The following CCDC158 variants were observed in gnomAD, a reference collection of about 807,000 sequenced individuals.
The protein encoded by CCDC158 is coiled-coil domain-containing protein 158.
Under a neutral mutation model 138.6 loss-of-function variants are expected in CCDC158, and 116 were observed. The ratio of observed to expected loss-of-function variants is 0.84; its 90% confidence interval spans 0.72 to 0.98. The LOEUF is 0.98. CCDC158 is among the 50% of genes least tolerant of loss of function. The pLI is 0.00. For synonymous variants in CCDC158, 436 were observed against 442.4 expected, an observed-to-expected ratio of 0.99 and a Z score of 0.18; for missense variants, 1,265 against 1,306.1, an observed-to-expected ratio of 0.97 and a Z score of 0.48.
At chr4:76,362,369 T>C (rs527341320) in intron 12 of CCDC158, 54 bp from the exon 13 acceptor site, 1 of 1,312,194 alleles carries the variant, frequency 7.6e-7, no homozygotes, top group South Asian at 1.3e-5. Flanking sequence ...TGTACATGTA[T>C]AGTTATAATT....
chr4:76,421,329 T>C (rs113225842), upstream of CCDC158, among the ~76,000 whole-genome samples: 4,626 of 151,958 alleles, frequency 0.03, 230 homozygotes, highest in African/African-American at 0.11. Context: ...ACGCCGTCGC[T>C]GGGGCATCCG....
rs756176859 is a variant in CCDC158 at position 76,334,074 on chromosome 4, C to T, written c.2758G>A (p.Ala920Thr). The T allele has an allele frequency of 1.5e-5, 25 of 1,613,820 alleles. No homozygotes were observed. The East Asian group carries it at 4.2e-4, about 27-fold the overall frequency. The change falls in exon 19 of 25, where the codon GCT becomes ACT. Residue 920 changes from alanine to threonine, a missense_variant. Coordinates refer to ENST00000682701, the MANE Select transcript of CCDC158 (RefSeq NM_001394954.1). ...TCCTCTGTCTTGCTCAGAGACACAG[C>T]TGGCTCCTCATTGATCACGCTTCTC... ...ELRSVINEEP[A>T]VSLSKTEEDG...
intron 24 of CCDC158, among the ~76,000 whole-genome samples, chr4:76,318,170 T>C (rs1184156258): frequency 6.6e-6 from 1 of 151,898 alleles, no homozygotes; most frequent in East Asian, 1.9e-4. Context: ...AGAACAGAAT[T>C]AAATGAAATT....
chr4:76,355,492 G>A (rs1385661039), intron 14 of CCDC158, 56 bp from the exon 15 acceptor site: 2 of 1,137,140 alleles, frequency 1.8e-6, no homozygotes, highest in African/African-American at 1.5e-5. Context: ...GAGAGACTAT[G>A]GTAATTTGAT....
chr4:76,421,612 G>A (rs1300794795), upstream of CCDC158: 1 of 152,068 alleles, frequency 6.6e-6, no homozygotes, highest in Non-Finnish European at 1.5e-5. Flanking sequence ...CTGCCAAAGA[G>A]TCAAGCCCAA....
chr4:76,352,722 A>AT (rs1336382413), intron 16 of CCDC158: 1 of 154,826 alleles, frequency 6.5e-6, no homozygotes, highest in Non-Finnish European at 1.4e-5. Flanking sequence ...AGTGCCAGCC[A>AT]TTAGCATTAC....
intron 18 of CCDC158, among the ~76,000 whole-genome samples, chr4:76,343,808 AAAAC>A (rs561583739): frequency 8.5e-5 from 13 of 152,198 alleles, no homozygotes; most frequent in East Asian, 1.9e-4. Flanking sequence ...CTCAAAAAAC[AAAAC>A]AAACAAACAA....
At chr4:76,405,532 G>A (rs910335115) in intron 2 of CCDC158, among the ~76,000 whole-genome samples, 6 of 152,062 alleles carry the variant, frequency 3.9e-5, no homozygotes, top group Admixed American at 2.0e-4. Flanking sequence ...AAACAAGACC[G>A]GGAAAACTGC....
At chr4:76,382,870 C>T (rs1374852451) in intron 7 of CCDC158, 150 bp from the exon 8 acceptor site, 5 of 549,340 alleles carry the variant, frequency 9.1e-6, no homozygotes, top group Non-Finnish European at 1.3e-5. Context: ...GTGTCTACAA[C>T]AAGTCCAAAA....
chr4:76,336,839 TTGG>T, intron 18 of CCDC158, among the ~76,000 whole-genome samples: 1 of 152,290 alleles, frequency 6.6e-6, no homozygotes, highest in East Asian at 1.9e-4. Context: ...GAAACCATTT[TTGG>T]TTGCCACACA....
In CCDC158 at chr4:76,384,347, G is replaced by T; in HGVS notation, c.467C>A (p.Ala156Asp). ...QLQNTVHELE[A>D]AKCLKEDMLK... ...CATGTCCTCTTTAAGGCATTTGGCA[G>T]CTTCAAGTTCATGAACTGTATTTTG... is the stretch of plus-strand genomic sequence containing the variant. The change falls in exon 6 of 25, where the codon GCT becomes GAT. Residue 156 changes from alanine (A) to aspartate (D), a missense_variant. By Grantham distance (126) the Ala-to-Asp change is moderately radical. Transcript: ENST00000682701. 6.2e-7 allele frequency: 1 copy of T among 1,614,070 alleles called. No individual in the cohort carries two copies. The highest frequency in any genetic ancestry group is 8.5e-7 in the Non-Finnish European group (1 of 1,180,000).
intron 1 of CCDC158, among the ~76,000 whole-genome samples, chr4:76,418,510 G>T (rs186827162): frequency 1.3e-5 from 2 of 152,294 alleles, no homozygotes; most frequent in East Asian, 3.9e-4. Context: ...ACATTCCCAA[G>T]ACTGGGTAAT....
intron 4 of CCDC158, among the ~76,000 whole-genome samples, chr4:76,388,940 C>T (rs1019957364): frequency 1.3e-5 from 2 of 152,104 alleles, no homozygotes; most frequent in Admixed American, 6.5e-5. Flanking sequence ...AAAACCATAG[C>T]ATTATTGGGC....
In CCDC158 at chr4:76,323,391, A is replaced by G. The variant is rs1172962953; in HGVS notation, c.3188T>C (p.Ile1063Thr). ...DSVKDSQSPP[I>T]ETTGKTCRKL... Reference sequence around the variant, plus strand: ...CCTGCATGTTTTTCCTGTTGTTTCTATTGGCGGAGACTGTGAATCTATTAG... The same window carrying G: ...CCTGCATGTTTTTCCTGTTGTTTCTGTTGGCGGAGACTGTGAATCTATTAG... The change falls in exon 24 of 25, where the codon ATA (isoleucine) becomes ACA (threonine). Residue 1063 changes from isoleucine (I) to threonine (T), a missense_variant. By Grantham distance (89) the Ile-to-Thr change is moderately conservative (BLOSUM62 -1). Transcript: ENST00000682701. The G allele has an allele frequency of 1.2e-5, 19 of 1,611,312 alleles. No homozygotes were observed. Among genetic ancestry groups the G allele is most frequent in the Non-Finnish European group, 1.2e-5 (14 of 1,178,688 alleles).
intron 18 of CCDC158, among the ~76,000 whole-genome samples, chr4:76,348,504 A>G (rs1722778361): frequency 6.6e-6 from 1 of 150,724 alleles, no homozygotes; most frequent in African/African-American, 2.4e-5. Context: ...TGACCCAATC[A>G]CCTCCCATTG....
intron 12 of CCDC158, among the ~76,000 whole-genome samples, chr4:76,365,921 A>C (rs1724611955): frequency 6.6e-6 from 1 of 152,208 alleles, no homozygotes; most frequent in East Asian, 1.9e-4. Flanking sequence ...GCCTAGGTTC[A>C]AACCACAAGG....
intron 13 of CCDC158, among the ~76,000 whole-genome samples, chr4:76,359,847 A>G (rs1464395822): frequency 6.6e-6 from 1 of 152,264 alleles, no homozygotes; most frequent in African/African-American, 2.4e-5. Context: ...TCCATTTTCT[A>G]GGGAGAAATT....
intron 4 of CCDC158, among the ~76,000 whole-genome samples, chr4:76,393,504 A>G (rs896841934): frequency 4.6e-5 from 7 of 152,148 alleles, no homozygotes; most frequent in African/African-American, 1.7e-4. Context: ...AAAGACTTAT[A>G]TCTAAGACCT....
chr4:76,326,317 T>C (rs578252178), intron 22 of CCDC158, among the ~76,000 whole-genome samples: 1 of 152,272 alleles, frequency 6.6e-6, no homozygotes, highest in South Asian at 2.1e-4. Flanking sequence ...GAATGCTCCC[T>C]AGAGTAAGGT....
Sources: gnomAD v4.1 joint callset for allele counts (sites outside exome capture counted in the v4.1 genomes callset) on GRCh38, gnomAD v4.1.1 for gene constraint, MANE v1.5 for transcripts, NCBI Gene and HGNC (gene_info 2026-07-23, HGNC 2026-07-21) for gene names.